The following CNTNAP4 variants were observed in gnomAD, a reference collection of about 807,000 sequenced individuals.
The protein encoded by CNTNAP4 is contactin associated protein family member 4, also known as contactin-associated protein-like 4.
In CNTNAP4, 98 loss-of-function variants were observed where a neutral mutation model predicts 148.4. The observed-to-expected ratio is 0.66, with a 90% CI of 0.56 to 0.78. The LOEUF (loss-of-function observed/expected upper bound fraction) is 0.78, where lower values mean the gene tolerates loss of function less well. Ranked by LOEUF, CNTNAP4 falls within the 30% of genes least tolerant of loss-of-function variation. The pLI is 0.00. For missense variants in CNTNAP4, 1,935 were observed against 1,565.6 expected, an observed-to-expected ratio of 1.24 and a Z score of -3.98; for synonymous variants, 730 against 565.1, an observed-to-expected ratio of 1.29 and a Z score of -4.14.
intron 2 of CNTNAP4, among the ~76,000 whole-genome samples, chr16:76,331,445 C>T (rs1053685543): frequency 5.3e-5 from 8 of 151,330 alleles, no homozygotes; most frequent in South Asian, 2.1e-4. Context: ...GCCTCAGCAT[C>T]CCAAAGTGCT....
intron 2 of CNTNAP4, among the ~76,000 whole-genome samples, chr16:76,334,823 A>G (rs1376708003): frequency 1.3e-5 from 2 of 152,054 alleles, no homozygotes; most frequent in Admixed American, 6.6e-5. Context: ...TATGAGAGCT[A>G]CTTATTTTCT....
intron 3 of CNTNAP4, among the ~76,000 whole-genome samples, chr16:76,406,716 C>T (rs1372761373): frequency 6.6e-6 from 1 of 152,100 alleles, no homozygotes; most frequent in Non-Finnish European, 1.5e-5. Context: ...CACTACATTC[C>T]CTTAAGCCAA....
intron 5 of CNTNAP4, 24 bp downstream of exon 5, chr16:76,448,239 C>A (rs751590656): frequency 4.0e-6 from 6 of 1,516,078 alleles, no homozygotes; most frequent in South Asian, 1.2e-5. Context: ...GTGAAGTGCT[C>A]AAAAATCTGA....
intron 4 of CNTNAP4, among the ~76,000 whole-genome samples, chr16:76,430,310 A>G (rs2079562332): frequency 6.6e-6 from 1 of 152,204 alleles, no homozygotes; most frequent in African/African-American, 2.4e-5. Flanking sequence ...AGAAAAGCAG[A>G]ATTATCTACT....
At chr16:76,397,517 G>T (rs140433874) in intron 3 of CNTNAP4, among the ~76,000 whole-genome samples, 5 of 152,020 alleles carry the variant, frequency 3.3e-5, no homozygotes, top group African/African-American at 1.2e-4. Context: ...CATCAGATAC[G>T]CAGTGGGTGG....
At chr16:76,298,212 G>C (rs541659911) in intron 1 of CNTNAP4, among the ~76,000 whole-genome samples, 75 of 152,260 alleles carry the variant, frequency 4.9e-4, no homozygotes, top group African/African-American at 1.7e-3. Context: ...GTCCAAGGAG[G>C]TTAGCCGGTA....
chr16:76,318,786 TTAA>T (rs906091128), intron 2 of CNTNAP4, among the ~76,000 whole-genome samples: 4 of 147,556 alleles, frequency 2.7e-5, no homozygotes, highest in South Asian at 2.1e-4. Flanking sequence ...ATCATAATAA[TTAA>T]TAATTATGAG....
chr16:76,365,339 A>C (rs1160859797), intron 3 of CNTNAP4, among the ~76,000 whole-genome samples: 2 of 152,082 alleles, frequency 1.3e-5, no homozygotes, highest in Non-Finnish European at 2.9e-5. Context: ...TTTGCTTAGG[A>C]TTATCTTGGC....
At chr16:76,434,713 T>C (rs1053852147) in intron 4 of CNTNAP4, among the ~76,000 whole-genome samples, 3 of 152,324 alleles carry the variant, frequency 2.0e-5, no homozygotes, top group South Asian at 2.1e-4. Context: ...GGGCTTCCAT[T>C]TGGCCTTTCC....
At chr16:76,513,223 G>T (rs1383259790) in intron 15 of CNTNAP4, among the ~76,000 whole-genome samples, 1 of 152,178 alleles carries the variant, frequency 6.6e-6, no homozygotes, top group African/African-American at 2.4e-5. Flanking sequence ...AGGTGTGGTG[G>T]TGGGTGCTTA....
At chr16:76,311,512 A>T (rs1961105965) in intron 1 of CNTNAP4, among the ~76,000 whole-genome samples, 2 of 152,218 alleles carry the variant, frequency 1.3e-5, no homozygotes, top group African/African-American at 4.8e-5. Context: ...ATTAAAACAT[A>T]TTGTAGATGT....
intron 3 of CNTNAP4, among the ~76,000 whole-genome samples, chr16:76,401,344 C>T (rs1297525854): frequency 1.3e-5 from 2 of 151,704 alleles, no homozygotes; most frequent in Non-Finnish European, 2.9e-5. Flanking sequence ...TGGCTTGGTT[C>T]TTGGCTGTTA....
chr16:76,481,642 A>G (rs1411791321), intron 12 of CNTNAP4, among the ~76,000 whole-genome samples: 3 of 152,220 alleles, frequency 2.0e-5, no homozygotes, highest in Admixed American at 1.3e-4. Context: ...GAAAGTTACA[A>G]TGAACAGTGT....
intron 1 of CNTNAP4, among the ~76,000 whole-genome samples, chr16:76,293,774 T>C (rs1959177655): frequency 6.6e-6 from 1 of 151,210 alleles, no homozygotes; most frequent in Non-Finnish European, 1.5e-5. Flanking sequence ...TACAAGCAAG[T>C]GGCTGATCTT....
At chr16:76,387,684 A>AT (rs752799046) in intron 3 of CNTNAP4, among the ~76,000 whole-genome samples, 12 of 152,240 alleles carry the variant, frequency 7.9e-5, no homozygotes, top group Admixed American at 2.6e-4. Flanking sequence ...ATGAAAATTA[A>AT]TGTTGTTTTA....
At chr16:76,386,124 G>A (rs1383589133) in intron 3 of CNTNAP4, among the ~76,000 whole-genome samples, 1 of 152,184 alleles carries the variant, frequency 6.6e-6, no homozygotes, top group Non-Finnish European at 1.5e-5. Flanking sequence ...GACCACTGAA[G>A]CACATAAAGC....
chr16:76,469,069 A>T (rs1362416858), intron 10 of CNTNAP4, among the ~76,000 whole-genome samples: 1 of 152,216 alleles, frequency 6.6e-6, no homozygotes, highest in Non-Finnish European at 1.5e-5. Context: ...TGGACCACTC[A>T]GTAATATTTG....
chr16:76,535,606 G>A lies in CNTNAP4; in HGVS notation c.2817G>A (p.Gly939=). The A allele has an allele frequency of 6.2e-7, 1 of 1,613,414 alleles. No homozygotes were observed. Among genetic ancestry groups the A allele is most frequent in the East Asian group, 2.2e-5 (1 of 44,864 alleles). ...LGCIRSLQLN[G]MTLDLEERAQ... is the part of the protein sequence containing the mutation. Reference sequence around the variant, plus strand: ...GCATTCGGTCTCTGCAGTTGAATGGGATGACCCTGGATTTGGAAGAAAGAG... The same window carrying A: ...GCATTCGGTCTCTGCAGTTGAATGGAATGACCCTGGATTTGGAAGAAAGAG... Residue 939 remains glycine, a synonymous_variant, in exon 18 of 24, where the codon GGG becomes GGA. Coordinates refer to ENST00000611870, the MANE Select transcript of CNTNAP4 (RefSeq NM_033401.5).
In CNTNAP4 at chr16:76,355,366, A is replaced by C. The variant is rs1388439302; in HGVS notation, c.245A>C (p.Gln82Pro). The stretch of plus-strand genomic sequence containing the variant: ...GTGTCTAACAAATACCAGTGGTTGC[A>C]GATTGACCTTGGAGAGAGAATGGAG... ...PLVSNKYQWL[Q>P]IDLGERMEVT... Residue 82 changes from glutamine to proline, a missense_variant, in exon 3 of 24, where the codon CAG (glutamine) becomes CCG (proline). Physicochemically the swap from Gln to Pro is moderately conservative, Grantham distance 76. Coordinates refer to ENST00000611870, the MANE Select transcript of CNTNAP4 (RefSeq NM_033401.5). 1.2e-6 allele frequency: 2 copies of C among 1,605,152 alleles called. No homozygotes were observed. Among genetic ancestry groups the C allele is most frequent in the Non-Finnish European group, 1.7e-6 (2 of 1,175,520 alleles).
Sources: gnomAD v4.1 joint callset for allele counts (sites outside exome capture counted in the v4.1 genomes callset) on GRCh38, gnomAD v4.1.1 for gene constraint, MANE v1.5 for transcripts, NCBI Gene and HGNC (gene_info 2026-07-23, HGNC 2026-07-21) for gene names.